Variants in HLA-DOB observed in about 807,000 individuals in gnomAD.
HLA-DOB encodes the protein major histocompatibility complex, class II, DO beta, also known as HLA class II histocompatibility antigen, DO beta chain.
In HLA-DOB, 25 loss-of-function variants were observed where a neutral mutation model predicts 27.7. The ratio of observed to expected loss-of-function variants is 0.90; its 90% CI spans 0.66 to 1.26. The LOEUF (loss-of-function observed/expected upper bound fraction) is 1.26, where lower values mean the gene tolerates loss of function less well. Among genes scored for constraint, HLA-DOB ranks in the 50% most tolerant of loss-of-function variants. HLA-DOB has a pLI of 0.00. For synonymous variants in HLA-DOB, 137 were observed against 125.6 expected, an observed-to-expected ratio of 1.09 and a Z score of -0.61; for missense variants, 306 against 324.9, an observed-to-expected ratio of 0.94 and a Z score of 0.45.
intron 4 of HLA-DOB, 116 bp from the exon 5 acceptor site, chr6:32,813,587 G>C (rs974908761): frequency 6.1e-6 from 8 of 1,313,418 alleles, no homozygotes; most frequent in African/African-American, 2.9e-5. Flanking sequence ...CCCATTTCTA[G>C]CTTCAGAAAA....
At chr6:32,816,502 A>G (rs1463206763) in intron 1 of HLA-DOB, among the ~76,000 whole-genome samples, 1 of 152,200 alleles carries the variant, frequency 6.6e-6, no homozygotes, top group Non-Finnish European at 1.5e-5. Flanking sequence ...AAAATCACAG[A>G]TTGCCTCTGT....
At position 32,814,317 on chromosome 6, in the gene HLA-DOB, C is replaced by A; in HGVS notation, c.643+3G>T. ...CCAGAGAGTACTAGAAACTAATTCT[C>A]ACTCCACTCCACAGAAACAGGGCTC... On this transcript the variant is annotated splice_donor_region_variant and intron_variant, in intron 3 of 5. Transcript: ENST00000438763. The A allele has an allele frequency of 6.2e-7, 1 of 1,612,610 alleles. No homozygotes were observed. The highest frequency in any genetic ancestry group is 8.5e-7 in the Non-Finnish European group (1 of 1,179,720).
At chr6:32,814,062 T>G in intron 3 of HLA-DOB, 1 of 604,918 alleles carries the variant, frequency 1.7e-6, no homozygotes, top group African/African-American at 1.9e-5. Context: ...ACCAAAGAAT[T>G]AGAGGACACC....
At chr6:32,816,091 T>G (rs1768007941) in intron 1 of HLA-DOB, among the ~76,000 whole-genome samples, 1 of 152,228 alleles carries the variant, frequency 6.6e-6, no homozygotes, top group African/African-American at 2.4e-5. Flanking sequence ...TAATGGACAT[T>G]ATAAACTCAG....
chr6:32,813,105 G>A lies in HLA-DOB; in HGVS notation c.*111C>T, dbSNP rs1767863033. 9.9e-7 allele frequency: 1 copy of A among 1,006,830 alleles called. No individual in the cohort carries two copies. Among genetic ancestry groups the A allele is most frequent in the Non-Finnish European group, 1.6e-6 (1 of 629,230 alleles). The allele number at this position is 1,006,830 out of a possible 1,614,324, so 62.4% of individuals were successfully genotyped here. ...AGTTCGGGCTCCTCCAAGGATCAGG[G>A]AAGAGAGTTATTCCCAGAACATTGA... On this transcript the variant is annotated 3_prime_UTR_variant, in exon 6 of 6. Coordinates refer to ENST00000438763, the MANE Select transcript of HLA-DOB (RefSeq NM_002120.4).
At position 32,816,947 on chromosome 6, in the gene HLA-DOB, C is replaced by T; in HGVS notation, c.5G>A (p.Gly2Asp). The T allele has an allele frequency of 6.2e-7, 1 of 1,611,598 alleles. No individual in the cohort carries two copies. The highest frequency in any genetic ancestry group is 1.1e-5 in the South Asian group (1 of 91,016). The change falls in exon 1 of 6, where the codon GGT becomes GAT. Residue 2 changes from glycine (G) to aspartate (D), a missense_variant. Gly to Asp is a moderately conservative substitution (Grantham distance 94). Coordinates refer to ENST00000438763, the MANE Select transcript of HLA-DOB (RefSeq NM_002120.4). ...CACCACCCAGGGGACCCACCCAGAA[C>T]CCATTCTGGAGAAAGGAAAAAAATG... M[G>D]SGWVPWVVAL...
At chr6:32,815,555 G>C (rs1767983237) in intron 1 of HLA-DOB, among the ~76,000 whole-genome samples, 1 of 152,242 alleles carries the variant, frequency 6.6e-6, no homozygotes, top group Non-Finnish European at 1.5e-5. Context: ...CTCATACTTA[G>C]AGACTTACCA....
chr6:32,815,439 G>C, intron 1 of HLA-DOB, 126 bp from the exon 2 acceptor site: 1 of 878,952 alleles, frequency 1.1e-6, no homozygotes, highest in South Asian at 1.6e-5. Flanking sequence ...AAAAAGCACA[G>C]TGTCAAGTGA....
rs774474315 is a variant in HLA-DOB at position 32,815,059 on chromosome 6, T to C, written c.346A>G (p.Thr116Ala). Residue 116 changes from threonine to alanine, a missense_variant, in exon 2 of 6, where the codon ACT (threonine) becomes GCT (alanine). Thr to Ala is a moderately conservative substitution (Grantham distance 58). Coordinates refer to ENST00000438763, the MANE Select transcript of HLA-DOB (RefSeq NM_002120.4). ...RHNYRLGAPF[T>A]VGRKVQPEVT... is the part of the protein sequence containing the mutation. ...TCCAGCTCACCTTTTCTCCCCACAG[T>C]GAAGGGTGCGCCCAGCCTGTAGTTG... 1.2e-6 allele frequency: 2 copies of C among 1,614,100 alleles called. No individual in the cohort carries two copies. Among genetic ancestry groups the C allele is most frequent in the Admixed American group, 3.3e-5 (2 of 60,016 alleles).
Position 32,816,976 on chromosome 6 carries a change from T to A in HLA-DOB, c.-25A>T, listed in dbSNP as rs2071470. 9 of 1,365,056 alleles carry A rather than the reference T, an allele frequency of 6.6e-6. No homozygotes were observed. Among genetic ancestry groups the A allele is most frequent in the Non-Finnish European group, 9.4e-6 (9 of 955,654 alleles). 84.6% of individuals were successfully genotyped at this position (1,365,056 alleles called of 1,614,324 possible). ...TTCTGGAGAAAGGAAAAAAATGAGATAGTAAAATCGTCAGCCTCTTCAGAA... is the reference window on the plus strand; with the variant it reads ...TTCTGGAGAAAGGAAAAAAATGAGAAAGTAAAATCGTCAGCCTCTTCAGAA... On this transcript the variant is annotated 5_prime_UTR_variant, in exon 1 of 6. Coordinates refer to ENST00000438763, the MANE Select transcript of HLA-DOB (RefSeq NM_002120.4).
At chr6:32,813,338 A>G in intron 5 of HLA-DOB, 87 bp from the exon 6 acceptor site, 2 of 1,589,970 alleles carry the variant, frequency 1.3e-6, no homozygotes, top group Non-Finnish European at 1.7e-6. Flanking sequence ...TCCCATCCAG[A>G]CAGCAGCAAC....
Position 32,816,849 on chromosome 6 carries a change from C to G in HLA-DOB, c.91+12G>C, listed in dbSNP as rs553921719. The G allele has an allele frequency of 6.2e-7, 1 of 1,606,822 alleles. No homozygotes were observed. Among genetic ancestry groups the G allele is most frequent in the South Asian group, 1.1e-5 (1 of 90,636 alleles). The stretch of plus-strand genomic sequence containing the variant: ...CATACACACTGGAAAAAAACAATTG[C>G]TCTGTTCTTACCTGGAGAGTCTGTG... On this transcript the variant is annotated intron_variant, in intron 1 of 5. Transcript: ENST00000438763.
intron 1 of HLA-DOB, among the ~76,000 whole-genome samples, chr6:32,815,780 G>A (rs1156355749): frequency 6.6e-6 from 1 of 152,224 alleles, no homozygotes; most frequent in Non-Finnish European, 1.5e-5. Context: ...AGGACGTCCT[G>A]AAGACATTGC....
At chr6:32,815,381 C>A (rs894547797) in intron 1 of HLA-DOB, 68 bp from the exon 2 acceptor site, 2 of 1,561,236 alleles carry the variant, frequency 1.3e-6, no homozygotes, top group Middle Eastern at 1.7e-4. Context: ...TGGTAAATTA[C>A]GTCAGACCAC....
chr6:32,813,444 T>C lies in HLA-DOB; in HGVS notation c.782A>G (p.Asn261Ser), dbSNP rs143706496. 1.1e-5 allele frequency: 17 copies of C among 1,612,944 alleles called. No homozygotes were observed. Among genetic ancestry groups the C allele is most frequent in the South Asian group, 5.5e-5 (5 of 91,076 alleles). ...KGYVRTQMSG[N>S]EVSRAVLLPQ... The stretch of plus-strand genomic sequence containing the variant: ...ACAAGGAAAAAGAGACATTACCTCA[T>C]TACCAGACATCTGCGTCCTCACATA... The change falls in exon 5 of 6, where the codon AAT becomes AGT. Residue 261 changes from asparagine (N) to serine (S), a missense_variant. Physicochemically the swap from Asn to Ser is conservative, Grantham distance 46 (BLOSUM62 1). Transcript: ENST00000438763.
At chr6:32,813,520 A>G in intron 4 of HLA-DOB, 49 bp from the exon 5 acceptor site, 1 of 1,596,794 alleles carries the variant, frequency 6.3e-7, no homozygotes. Flanking sequence ...AGGACCCAAT[A>G]TGATTATCCC....
At chr6:32,814,241 C>T (rs16870880) in intron 3 of HLA-DOB, 79 bp downstream of exon 3, 101,231 of 1,331,262 alleles carry the variant, frequency 0.076, 4,301 homozygotes, top group African/African-American at 0.14. Context: ...CCAAGATAAA[C>T]GCAGAAGTGA....
At position 32,814,385 on chromosome 6, in the gene HLA-DOB, A is replaced by C; in HGVS notation, c.578T>G (p.Leu193Arg). The change falls in exon 3 of 6, where the codon CTT becomes CGT. Residue 193 changes from leucine (L) to arginine (R), a missense_variant. By Grantham distance (102) the Leu-to-Arg change is moderately radical. Coordinates refer to ENST00000438763, the MANE Select transcript of HLA-DOB (RefSeq NM_002120.4). ...TVVMLEMTPE[L>R]GHVYTCLVDH... ...GACAAGGCAGGTGTAGACATGTCCAAGTTCAGGAGTCATTTCTAGCATCAC... is the reference window on the plus strand; with the variant it reads ...GACAAGGCAGGTGTAGACATGTCCACGTTCAGGAGTCATTTCTAGCATCAC... 6.2e-7 allele frequency: 1 copy of C among 1,613,016 alleles called. No homozygotes were observed. The highest frequency in any genetic ancestry group is 8.5e-7 in the Non-Finnish European group (1 of 1,180,000).
At chr6:32,813,917 C>A in intron 3 of HLA-DOB, 84 bp from the exon 4 acceptor site, 1 of 837,466 alleles carries the variant, frequency 1.2e-6, no homozygotes, top group Non-Finnish European at 1.9e-6. Context: ...GTACTAGACA[C>A]CAAATCCAAT....
Sources: gnomAD v4.1 joint callset for allele counts (sites outside exome capture counted in the v4.1 genomes callset) on GRCh38, gnomAD v4.1.1 for gene constraint, MANE v1.5 for transcripts, NCBI Gene and HGNC (gene_info 2026-07-23, HGNC 2026-07-21) for gene names.